Variants in ATXN2 observed in about 807,000 individuals in gnomAD.
ATXN2 encodes ataxin-2.
Under a neutral mutation model 138.6 loss-of-function variants are expected in ATXN2, and 37 were observed. That is an observed-to-expected ratio of 0.27 (90% CI 0.21 to 0.35). The LOEUF (loss-of-function observed/expected upper bound fraction) is 0.35, where lower values mean the gene tolerates loss of function less well. ATXN2 is among the 10% of genes least tolerant of loss of function. The pLI, the probability that ATXN2 is intolerant of heterozygous loss-of-function variation, is 1.00. For synonymous variants in ATXN2, 549 were observed against 543.7 expected, an observed-to-expected ratio of 1.01 and a Z score of -0.13; for missense variants, 1,216 against 1,480.3, an observed-to-expected ratio of 0.82 and a Z score of 2.93.
At chr12:111,571,199 A>G (rs1413077826) in intron 1 of ATXN2, among the ~76,000 whole-genome samples, 2 of 152,240 alleles carry the variant, frequency 1.3e-5, no homozygotes, top group South Asian at 2.1e-4. Flanking sequence ...ACAACAAGGA[A>G]GACAAATCAT....
rs757626697 is a variant in ATXN2 at position 111,552,381 on chromosome 12, G to A, written c.470C>T (p.Ser157Leu). 1.7e-5 allele frequency: 27 copies of A among 1,613,542 alleles called. 1 individual carries two copies. Among genetic ancestry groups the A allele is most frequent in the Middle Eastern group, 1.6e-4 (1 of 6,082 alleles). Reference protein sequence around the residue: ...AAHEKSTESSSGPKREEIMES... With the variant: ...AAHEKSTESSLGPKREEIMES... ...CATTATTTCTTCACGTTTCGGCCCC[G>A]AACTGGATTCTGTACTTTTCTCATG... Residue 157 changes from serine to leucine, a missense_variant, in exon 5 of 25, where the codon TCG becomes TTG. Physicochemically the swap from Ser to Leu is moderately radical, Grantham distance 145. Transcript: ENST00000673436. This position sits in a 1 kb window ranked among gnomAD's most constrained non-coding sequence, Gnocchi z 4.1.
Position 111,457,231 on chromosome 12 carries a change from C to T in ATXN2, c.3025G>A (p.Ala1009Thr). 2 of 1,613,730 alleles carry T rather than the reference C, an allele frequency of 1.2e-6. No homozygotes were observed. The highest frequency in any genetic ancestry group is 1.3e-5 in the African/African-American group (1 of 75,022). The change falls in exon 22 of 25, where the codon GCA (alanine) becomes ACA (threonine). Residue 1009 changes from alanine (A) to threonine (T), a missense_variant. By Grantham distance (58) the Ala-to-Thr change is moderately conservative. This residue lies in a region of ATXN2 where 490 missense variants were observed against 653.5 expected (regional missense o/e 0.75). Transcript: ENST00000673436. ...QQSQHGGSHP[A>T]PSPVQHHQHQ... ...GCCCTTACCTGAACAGGACTGGGTG[C>T]AGGATGACTTCCACCATGTTGGCTT...
At chr12:111,490,738 T>C (rs570465981) in intron 14 of ATXN2, among the ~76,000 whole-genome samples, 27 of 152,108 alleles carry the variant, frequency 1.8e-4, no homozygotes, top group Non-Finnish European at 4.0e-4. Context: ...AGTCTTGAAC[T>C]GCCCCTCCAA....
intron 5 of ATXN2, among the ~76,000 whole-genome samples, chr12:111,547,333 A>G (rs1043667731): frequency 3.9e-5 from 6 of 152,198 alleles, no homozygotes; most frequent in Non-Finnish European, 8.8e-5. Context: ...AGGCTTAGGC[A>G]GAAGAATTGC....
At chr12:111,558,778 C>A (rs1225243899) in intron 1 of ATXN2, among the ~76,000 whole-genome samples, 1 of 151,976 alleles carries the variant, frequency 6.6e-6, no homozygotes, top group Admixed American at 6.6e-5. Context: ...GCATTGGTGA[C>A]AGAGCAAAAC....
intron 16 of ATXN2, 82 bp from the exon 17 acceptor site, chr12:111,485,947 T>G (rs1491003515): frequency 1.0e-5 from 14 of 1,394,250 alleles, no homozygotes; most frequent in African/African-American, 1.4e-5. Flanking sequence ...TTTCCCAGTC[T>G]TTCTAATTTT....
chr12:111,536,744 C>A (rs1881199739), intron 5 of ATXN2, among the ~76,000 whole-genome samples: 1 of 151,714 alleles, frequency 6.6e-6, no homozygotes, highest in African/African-American at 2.4e-5. Flanking sequence ...CACACACACC[C>A]CCATGAGAAT....
At chr12:111,523,008 C>T (rs575806309) in intron 6 of ATXN2, among the ~76,000 whole-genome samples, 31 of 151,676 alleles carry the variant, frequency 2.0e-4, no homozygotes, top group African/African-American at 6.5e-4. Flanking sequence ...TGGCCAGGTG[C>T]GGTGGCTCAT....
chr12:111,459,527 G>A (rs1433338931), intron 21 of ATXN2, among the ~76,000 whole-genome samples: 1 of 152,104 alleles, frequency 6.6e-6, no homozygotes, highest in Non-Finnish European at 1.5e-5. Flanking sequence ...TGCAACCTCC[G>A]CCTCCCGGGT....
rs745770238 is a variant in ATXN2, at chr12:111,555,895, C to T, written c.276G>A (p.Leu92=). 1.9e-6 allele frequency: 3 copies of T among 1,603,716 alleles called. No individual in the cohort carries two copies. Among genetic ancestry groups the T allele is most frequent in the Non-Finnish European group, 2.6e-6 (3 of 1,175,872 alleles). The change falls in exon 2 of 25, where the codon CTG becomes CTA. Residue 92 remains leucine (L), a synonymous_variant. Transcript: ENST00000673436. ...LGRGRNSNKG[L]PQSTISFDGI... Reference sequence around the variant, plus strand: ...TAAAGTTACTCACCGTAGACTGAGGCAGTCCTTTGTTACTGTTTCGACCTC... The same window carrying T: ...TAAAGTTACTCACCGTAGACTGAGGTAGTCCTTTGTTACTGTTTCGACCTC...
At chr12:111,520,159 T>C in intron 7 of ATXN2, 83 bp from the exon 8 acceptor site, 1 of 1,492,130 alleles carries the variant, frequency 6.7e-7, no homozygotes, top group Non-Finnish European at 9.1e-7. Flanking sequence ...ACTAAGAAAG[T>C]TTAGAGTTTA....
intron 3 of ATXN2, among the ~76,000 whole-genome samples, chr12:111,553,227 AGT>A (rs1882210317): frequency 6.6e-6 from 1 of 152,194 alleles, no homozygotes; most frequent in African/African-American, 2.4e-5. Context: ...AGCTATTTTA[AGT>A]GACAAAATAA....
chr12:111,469,470 C>A (rs190548958), intron 20 of ATXN2: 3 of 152,106 alleles, frequency 2.0e-5, no homozygotes, highest in Non-Finnish European at 2.9e-5. Context: ...AGTCACAAAA[C>A]GAAGATGGGT....
At chr12:111,482,724 C>G (rs1261157306) in intron 18 of ATXN2, 1 of 151,436 alleles carries the variant, frequency 6.6e-6, no homozygotes, top group Non-Finnish European at 1.5e-5. Context: ...AAAAAAAAAC[C>G]CACTTTCTTC....
At chr12:111,485,488 G>T (rs145250035) in intron 17 of ATXN2, among the ~76,000 whole-genome samples, 157 bp from the exon 18 acceptor site, 2 of 152,132 alleles carry the variant, frequency 1.3e-5, no homozygotes, top group Non-Finnish European at 2.9e-5. Context: ...ACAGCTAAAA[G>T]GAACAAACCC....
chr12:111,578,156 C>G (rs1359272584), intron 1 of ATXN2, among the ~76,000 whole-genome samples: 1 of 152,106 alleles, frequency 6.6e-6, no homozygotes, highest in Non-Finnish European at 1.5e-5. Flanking sequence ...AACATCACGC[C>G]ACTACACTCC....
chr12:111,586,726 G>A (rs1884362894), intron 1 of ATXN2, among the ~76,000 whole-genome samples: 1 of 151,200 alleles, frequency 6.6e-6, no homozygotes, highest in Admixed American at 6.6e-5. Context: ...TCACCATGTT[G>A]GCCAGACTGG....
At chr12:111,486,919 A>G (rs532803112) in intron 15 of ATXN2, 95 bp from the exon 16 acceptor site, 1 of 991,080 alleles carries the variant, frequency 1.0e-6, no homozygotes, top group Non-Finnish European at 1.5e-6. Context: ...TGCTAAATAT[A>G]GATTTAAACT....
intron 18 of ATXN2, among the ~76,000 whole-genome samples, chr12:111,480,024 CAA>C (rs1049842391): frequency 2.1e-5 from 2 of 96,468 alleles, no homozygotes; most frequent in Non-Finnish European, 4.5e-5. Context: ...AAAACCTAAT[CAA>C]AAAAAAAAAA....
Sources: allele counts gnomAD v4.1 joint callset (sites outside exome capture counted in the v4.1 genomes callset), GRCh38; gene constraint gnomAD v4.1.1; regional missense constraint gnomAD v4.1.1; non-coding constraint Gnocchi (gnomAD v3.1); transcripts MANE v1.5; gene names NCBI Gene and HGNC (gene_info 2026-07-23, HGNC 2026-07-21).